Variants in ANP32B observed in about 807,000 individuals in gnomAD.
ANP32B encodes acidic leucine-rich nuclear phosphoprotein 32 family member B.
Under a neutral mutation model 32.2 loss-of-function variants are expected in ANP32B, and 6 were observed. The observed-to-expected ratio is 0.19, with a 90% CI of 0.10 to 0.37. The LOEUF (loss-of-function observed/expected upper bound fraction) is 0.37. Among genes scored for constraint, ANP32B ranks in the 10% least tolerant of loss-of-function variants. The probability of loss-of-function intolerance (pLI) is 1.00; values close to 1 mark genes in which losing one functional copy is unlikely to be tolerated. For synonymous variants in ANP32B, 98 were observed against 105.8 expected (o/e 0.93, Z 0.45); for missense variants, 204 against 289.2 (o/e 0.71, Z 2.14).
chr9:97,995,637 G>A (rs1827891569), intron 2 of ANP32B, among the ~76,000 whole-genome samples: 1 of 151,918 alleles, frequency 6.6e-6, no homozygotes. Context: ...TATAATACAT[G>A]AGGCCAGTCA....
chr9:97,983,453 T>C lies in ANP32B; in HGVS notation c.-103T>C. 6 of 1,117,460 alleles carry C rather than the reference T, an allele frequency of 5.4e-6. No homozygotes were observed. Among genetic ancestry groups the C allele is most frequent in the East Asian group, 2.9e-5 (1 of 34,634 alleles). The allele number at this position is 1,117,460 out of a possible 1,614,324, so 69.2% of individuals were successfully genotyped here. ...GGACCGCGCCGCCGGCCTCCGCCGC[T>C]AGCAAACCCTTCCGACGGCCCTCGC... On this transcript the variant is annotated 5_prime_UTR_variant, in exon 1 of 7. Coordinates refer to ENST00000339399, the MANE Select transcript of ANP32B (RefSeq NM_006401.3).
chr9:97,994,860 T>A, intron 2 of ANP32B, 80 bp downstream of exon 2: 1 of 1,400,722 alleles, frequency 7.1e-7, no homozygotes, highest in Non-Finnish European at 9.6e-7. Context: ...AGGAAGCACT[T>A]AGTGTAGCAG....
chr9:98,007,874 C>T, intron 4 of ANP32B, among the ~76,000 whole-genome samples: 1 of 152,152 alleles, frequency 6.6e-6, no homozygotes, highest in Non-Finnish European at 1.5e-5. Flanking sequence ...ACTTCTCTTA[C>T]ACAGAGAAGC....
At chr9:98,009,687 C>T (rs1828147268) in intron 4 of ANP32B, among the ~76,000 whole-genome samples, 1 of 152,234 alleles carries the variant, frequency 6.6e-6, no homozygotes, top group Non-Finnish European at 1.5e-5. Context: ...AGGCCACAGA[C>T]CAGTACCAGT....
At chr9:98,012,496 A>G in intron 6 of ANP32B, 24 bp downstream of exon 6, 1 of 1,607,572 alleles carries the variant, frequency 6.2e-7, no homozygotes. Context: ...ATGCATTTTG[A>G]TCATTCTCAG....
chr9:97,983,540 G>C lies in ANP32B; in HGVS notation c.-16G>C, dbSNP rs755058457. ...GCCGCGGAAAGTTAAGTTTGAAGAG[G>C]GGGGAAGAGGGGAACATGGACATGA... On this transcript the variant is annotated 5_prime_UTR_variant, in exon 1 of 7. Coordinates refer to ENST00000339399, the MANE Select transcript of ANP32B (RefSeq NM_006401.3). 3.2e-6 allele frequency: 5 copies of C among 1,569,060 alleles called. No individual in the cohort carries two copies. Among genetic ancestry groups the C allele is most frequent in the Non-Finnish European group, 3.5e-6 (4 of 1,158,194 alleles).
intron 5 of ANP32B, 78 bp from the exon 6 acceptor site, chr9:98,012,343 G>A: frequency 6.6e-7 from 1 of 1,520,042 alleles, no homozygotes; most frequent in South Asian, 1.2e-5. Context: ...GTACTTCTTA[G>A]TTTGGCAGAA....
chr9:97,984,870 C>T (rs1311726670), intron 1 of ANP32B, among the ~76,000 whole-genome samples: 2 of 150,496 alleles, frequency 1.3e-5, no homozygotes, highest in Non-Finnish European at 1.5e-5. Flanking sequence ...GGGCGGGCTT[C>T]GGCTCGGCTC....
intron 2 of ANP32B, among the ~76,000 whole-genome samples, chr9:97,998,015 G>A (rs935979520): frequency 6.6e-6 from 1 of 152,196 alleles, no homozygotes; most frequent in Non-Finnish European, 1.5e-5. Flanking sequence ...CCTTTCCTGA[G>A]GTTATGAAGC....
intron 1 of ANP32B, among the ~76,000 whole-genome samples, chr9:97,984,161 T>A (rs1465885105): frequency 1.3e-5 from 2 of 149,562 alleles, no homozygotes; most frequent in Admixed American, 1.3e-4. Context: ...AGGAGGGGGC[T>A]TTTTTCTTTT....
intron 1 of ANP32B, among the ~76,000 whole-genome samples, chr9:97,985,402 G>GA (rs1564134385): frequency 6.6e-6 from 1 of 152,104 alleles, no homozygotes; most frequent in African/African-American, 2.4e-5. Context: ...GGGGTTGCGA[G>GA]ATGGAGGGTC....
intron 2 of ANP32B, 148 bp from the exon 3 acceptor site, chr9:97,998,408 C>G (rs1827938031): frequency 1.3e-6 from 1 of 798,960 alleles, no homozygotes; most frequent in South Asian, 3.2e-5. Flanking sequence ...TGGATTTAAA[C>G]AAAATGAACA....
Position 98,005,022 on chromosome 9 carries a change from A to C in ANP32B, c.386A>C (p.Asn129Thr). The change falls in exon 4 of 7, where the codon AAT (asparagine) becomes ACT (threonine). Residue 129 changes from asparagine to threonine, a missense_variant. Physicochemically the swap from Asn to Thr is moderately conservative, Grantham distance 65. Transcript: ENST00000339399. ...TTTAACTGTGAGGTTACCAACCTGA[A>C]TGACTACCGAGAGAGTGTCTTCAAG... The part of the protein sequence containing the change: ...DLFNCEVTNL[N>T]DYRESVFKLL... 6.2e-7 allele frequency: 1 copy of C among 1,614,086 alleles called. No individual in the cohort carries two copies. The highest frequency in any genetic ancestry group is 8.5e-7 in the Non-Finnish European group (1 of 1,180,000).
At chr9:97,998,756 C>A in intron 3 of ANP32B, 78 bp downstream of exon 3, 1 of 940,052 alleles carries the variant, frequency 1.1e-6, no homozygotes, top group Non-Finnish European at 1.5e-6. Flanking sequence ...GGGGAAATTA[C>A]TGGCAATAAT....
intron 1 of ANP32B, among the ~76,000 whole-genome samples, chr9:97,990,875 G>A (rs564972782): frequency 6.2e-5 from 9 of 145,196 alleles, no homozygotes; most frequent in African/African-American, 1.3e-4. Flanking sequence ...GCTGGAGTGC[G>A]GTGGCGCAAT....
rs541044980 is a variant in ANP32B, at chr9:98,003,562, G to A, written c.328-1402G>A. On this transcript the variant is annotated intron_variant, in intron 3 of 6. Coordinates refer to ENST00000339399, the MANE Select transcript of ANP32B (RefSeq NM_006401.3). ...ACTGGACCACCGGTTCCCAACCCCT[G>A]CTCTAGAGCCTTGAGGCAGATTTTC... is the stretch of plus-strand genomic sequence containing the variant. Among the ~76,000 whole-genome samples, 5 of 152,244 alleles carry A rather than the reference G, an allele frequency of 3.3e-5. No individual in the cohort carries two copies. The South Asian group carries it at 1.0e-3, about 32-fold the overall frequency.
chr9:98,014,795 C>T (rs1828247002), intron 6 of ANP32B, among the ~76,000 whole-genome samples: 1 of 152,212 alleles, frequency 6.6e-6, no homozygotes, highest in Non-Finnish European at 1.5e-5. Context: ...TCTTATCACC[C>T]AGGCTGGAGT....
At chr9:97,984,854 G>A (rs1028753090) in intron 1 of ANP32B, among the ~76,000 whole-genome samples, 10 of 150,366 alleles carry the variant, frequency 6.7e-5, no homozygotes, top group Admixed American at 1.3e-4. Flanking sequence ...GGGCGCGCGG[G>A]ATTTTGGGCG....
chr9:97,984,460 C>G (rs950817876), intron 1 of ANP32B: 1 of 151,638 alleles, frequency 6.6e-6, no homozygotes, highest in African/African-American at 2.4e-5. Context: ...TCGCCCTTCC[C>G]CCTGTGCCGC....
Sources: allele counts gnomAD v4.1 joint callset (sites outside exome capture counted in the v4.1 genomes callset), GRCh38; gene constraint gnomAD v4.1.1; transcripts MANE v1.5; gene names NCBI Gene and HGNC (gene_info 2026-07-23, HGNC 2026-07-21).